TGFBI: variants seen among roughly 807,000 people sequenced by gnomAD.
The protein encoded by TGFBI is transforming growth factor beta induced.
A neutral mutation model predicts 73.7 loss-of-function variants in TGFBI; 50 were observed. The ratio of observed to expected loss-of-function variants is 0.68; its 90% CI spans 0.54 to 0.86. The LOEUF (loss-of-function observed/expected upper bound fraction) is 0.86. Ranked by LOEUF, TGFBI falls within the 40% of genes least tolerant of loss-of-function variation. The probability of loss-of-function intolerance (pLI) is 0.00; values close to 1 mark genes in which losing one functional copy is unlikely to be tolerated. For synonymous variants in TGFBI, 362 were observed against 360.5 expected (o/e 1.00, Z -0.05); for missense variants, 839 against 877.0 (o/e 0.96, Z 0.55).
chr5:136,058,832 G>A (rs910016440), intron 12 of TGFBI: 5 of 363,246 alleles, frequency 1.4e-5, no homozygotes, highest in African/African-American at 2.1e-5. Context: ...ATCCCAGACA[G>A]CATATTTAAC....
Position 136,049,495 on chromosome 5 carries a change from G to C in TGFBI, c.828G>C (p.Thr276=). The C allele has an allele frequency of 6.2e-7, 1 of 1,613,980 alleles. No individual in the cohort carries two copies. Among genetic ancestry groups the C allele is most frequent in the South Asian group, 1.1e-5 (1 of 91,062 alleles). The change falls in exon 7 of 17, where the codon ACG becomes ACC. Residue 276 remains threonine, a synonymous_variant. Coordinates refer to ENST00000442011, the MANE Select transcript of TGFBI (RefSeq NM_000358.3). ...NTMLEGNGQY[T]LLAPTNEAFE... is the part of the protein sequence containing the mutation. ...TGCTTGAAGGTAACGGCCAGTACAC[G>C]CTTTTGGCCCCGACCAATGAGGCCT... is the stretch of plus-strand genomic sequence containing the variant.
chr5:136,030,042 T>C (rs1213961914), intron 1 of TGFBI, among the ~76,000 whole-genome samples: 1 of 152,158 alleles, frequency 6.6e-6, no homozygotes, highest in Non-Finnish European at 1.5e-5. Context: ...GCAGGCAACA[T>C]TTCTACCTCA....
At chr5:136,050,843 C>T (rs1231401277) in intron 7 of TGFBI, among the ~76,000 whole-genome samples, 2 of 152,146 alleles carry the variant, frequency 1.3e-5, no homozygotes, top group East Asian at 3.8e-4. Flanking sequence ...TGTTCCGTGT[C>T]CAGGTGATTA....
At chr5:136,056,494 C>T in intron 11 of TGFBI, 171 bp from the exon 12 acceptor site, 2 of 749,196 alleles carry the variant, frequency 2.7e-6, no homozygotes, top group East Asian at 2.8e-5. Flanking sequence ...CCTGGAATCA[C>T]TCCCTCTTTG....
chr5:136,045,789 G>A (rs892969000), intron 3 of TGFBI: 4 of 152,054 alleles, frequency 2.6e-5, no homozygotes, highest in African/African-American at 9.7e-5. Flanking sequence ...TGAATATTAA[G>A]CTCATTTTGG....
Position 136,053,249 on chromosome 5 carries a change from C to T in TGFBI, c.1126+130C>T, listed in dbSNP as rs1020471917. 24 of 813,346 alleles carry T rather than the reference C, an allele frequency of 3.0e-5. 1 individual carries two copies. Among genetic ancestry groups the T allele is most frequent in the South Asian group, 1.2e-4 (7 of 59,410 alleles). 50.4% of individuals were successfully genotyped at this position (813,346 alleles called of 1,614,324 possible). A position where few individuals can be genotyped will look rare whatever the true frequency, so the allele number is the denominator to read the frequency against. On this transcript the variant is annotated intron_variant, in intron 8 of 16. Coordinates refer to ENST00000442011, the MANE Select transcript of TGFBI (RefSeq NM_000358.3). The stretch of plus-strand genomic sequence containing the variant: ...TGCCTGGACCCAGCTCACAGCTTCT[C>T]GGCCACTGCAAATGTGTGGGTTGTG...
At chr5:136,039,962 G>A (rs1440652933) in intron 2 of TGFBI, among the ~76,000 whole-genome samples, 1 of 152,218 alleles carries the variant, frequency 6.6e-6, no homozygotes, top group African/African-American at 2.4e-5. Flanking sequence ...AAACTATGAT[G>A]CCCTGTATGG....
rs540041040 is a variant in TGFBI, at chr5:136,060,225, A to T, written c.1804-609A>T. Among the ~76,000 whole-genome samples the T allele has an allele frequency of 9.3e-4, 141 of 152,346 alleles. 1 individual carries two copies. Among genetic ancestry groups the T allele is most frequent in the African/African-American group, 3.3e-3 (138 of 41,580 alleles). On this transcript the variant is annotated intron_variant, in intron 13 of 16. Transcript: ENST00000442011. ...CTCCTCTTCTGTGGAATGGGACAAT[A>T]ATATCTACTCTCCTTATCATACACT...
chr5:136,045,495 A>T (rs574851622), intron 3 of TGFBI, among the ~76,000 whole-genome samples: 1 of 152,266 alleles, frequency 6.6e-6, no homozygotes, highest in Non-Finnish European at 1.5e-5. Flanking sequence ...CAGTGAGCTG[A>T]GATAGGGCCG....
Position 136,059,773 on chromosome 5 carries a change from C to T in TGFBI, c.1803+559C>T, listed in dbSNP as rs186639996. On this transcript the variant is annotated intron_variant, in intron 13 of 16. Transcript: ENST00000442011. ...GCCACTGACCCCTCTGTGGAGGGAC[C>T]GCTCTTCAGTGTGTGGCTGGCTTCT... Among the ~76,000 whole-genome samples the T allele has an allele frequency of 1.1e-3, 175 of 152,326 alleles. 1 individual carries two copies. The highest frequency in any genetic ancestry group is 3.7e-3 in the African/African-American group (154 of 41,578).
At chr5:136,058,231 C>T (rs1452580624) in intron 12 of TGFBI, among the ~76,000 whole-genome samples, 1 of 152,138 alleles carries the variant, frequency 6.6e-6, no homozygotes, top group African/African-American at 2.4e-5. Context: ...GTGGATTTGT[C>T]AATAACCAAG....
Position 136,059,160 on chromosome 5 carries a change from C to T in TGFBI, c.1749C>T (p.Ile583=), listed in dbSNP as rs35909506. 2.2e-4 allele frequency: 350 copies of T among 1,610,714 alleles called. No individual in the cohort carries two copies. In the African/African-American group the frequency reaches 3.4e-3, roughly 16 times the overall value. The change falls in exon 13 of 17, where the codon ATC becomes ATT. Residue 583 remains isoleucine (I), a synonymous_variant. Coordinates refer to ENST00000442011, the MANE Select transcript of TGFBI (RefSeq NM_000358.3). The stretch of plus-strand genomic sequence containing the variant: ...ATGAAATCCTGGTTAGCGGAGGCAT[C>T]GGGGCCCTGGTGCGGCTAAAGTCTC... The part of the protein sequence containing the change: ...IGDEILVSGG[I]GALVRLKSLQ...
At chr5:136,041,288 C>A (rs1219826775) in intron 2 of TGFBI, among the ~76,000 whole-genome samples, 2 of 152,230 alleles carry the variant, frequency 1.3e-5, no homozygotes, top group Non-Finnish European at 2.9e-5. Flanking sequence ...AAGCCCTTGG[C>A]ACGAGAAGAC....
chr5:136,037,408 T>C (rs1042430625), intron 2 of TGFBI, among the ~76,000 whole-genome samples: 2 of 152,202 alleles, frequency 1.3e-5, no homozygotes, highest in African/African-American at 2.4e-5. Context: ...TGTGGCACTT[T>C]GAGCAAAGGT....
Position 136,034,441 on chromosome 5 carries a change from C to T in TGFBI, c.233+580C>T, listed in dbSNP as rs1195010685. Among the ~76,000 whole-genome samples the T allele has an allele frequency of 5.9e-5, 9 of 152,026 alleles. No individual in the cohort carries two copies. In the East Asian group the frequency reaches 1.7e-3, roughly 29 times the overall value. On this transcript the variant is annotated intron_variant, in intron 2 of 16. Transcript: ENST00000442011. ...AAAGTTCGTATAACAAAAGGACCCA[C>T]CTTATGGGGTTGTTACAAGGATTGA...
At chr5:136,053,184 G>A in intron 8 of TGFBI, 65 bp downstream of exon 8, 1 of 1,501,138 alleles carries the variant, frequency 6.7e-7, no homozygotes, top group Middle Eastern at 2.2e-4. Context: ...ATCCTTTGTG[G>A]CGGGGGAGGG....
chr5:136,055,735 G>A lies in TGFBI; in HGVS notation c.1466G>A (p.Gly489Glu). ...IAAHDKRGRY[G>E]TLFTMDRVLT... ...GCCCACGACAAGAGGGGGAGGTACG[G>A]GACCCTGTTCACGATGGACCGGGTG... The change falls in exon 11 of 17, where the codon GGG becomes GAG. Residue 489 changes from glycine (G) to glutamate (E), a missense_variant. Physicochemically the swap from Gly to Glu is moderately conservative, Grantham distance 98. Coordinates refer to ENST00000442011, the MANE Select transcript of TGFBI (RefSeq NM_000358.3). The A allele has an allele frequency of 2.5e-6, 4 of 1,612,626 alleles. No individual in the cohort carries two copies. In the Middle Eastern group the frequency reaches 4.9e-4, roughly 200 times the overall value.
intron 2 of TGFBI, among the ~76,000 whole-genome samples, chr5:136,042,550 G>C (rs1989973): frequency 0.91 from 138,965 of 152,164 alleles, 64,104 homozygotes; most frequent in South Asian, 0.98. Flanking sequence ...CAATCAAGAT[G>C]AGTCCCAAGA....
chr5:136,044,489 C>T (rs989763772), intron 3 of TGFBI, among the ~76,000 whole-genome samples: 15 of 152,216 alleles, frequency 9.9e-5, no homozygotes, highest in East Asian at 5.8e-4. Flanking sequence ...CATCAGTTTC[C>T]GATCAGCTCT....
Sources: gnomAD v4.1 joint callset for allele counts (sites outside exome capture counted in the v4.1 genomes callset) on GRCh38, gnomAD v4.1.1 for gene constraint, MANE v1.5 for transcripts, NCBI Gene and HGNC (gene_info 2026-07-23, HGNC 2026-07-21) for gene names.